MAP3K14: variants seen among roughly 807,000 people sequenced by gnomAD.
MAP3K14 encodes mitogen-activated protein kinase kinase kinase 14.
A neutral mutation model predicts 99.2 loss-of-function variants in MAP3K14; 16 were observed. The ratio of observed to expected loss-of-function variants is 0.16; its 90% confidence interval spans 0.11 to 0.24. The LOEUF (loss-of-function observed/expected upper bound fraction) is 0.24, where lower values mean the gene tolerates loss of function less well. Among genes scored for constraint, MAP3K14 ranks in the 10% least tolerant of loss-of-function variants. MAP3K14 has a pLI of 1.00. For synonymous variants in MAP3K14, 462 were observed against 492.4 expected (o/e 0.94, Z 0.82); for missense variants, 784 against 1,208.7 (o/e 0.65, Z 5.21).
rs1433498618 is a variant in MAP3K14 at position 45,313,255 on chromosome 17, G to A, written c.-21+3705C>T. Among the ~76,000 whole-genome samples the A allele has an allele frequency of 4.6e-5, 7 of 152,024 alleles. No individual in the cohort carries two copies. The East Asian group carries it at 1.3e-3, about 29-fold the overall frequency. On this transcript the variant is annotated intron_variant, in intron 1 of 15. Coordinates refer to ENST00000344686, the MANE Select transcript of MAP3K14 (RefSeq NM_003954.5). ...AGGTTTAGTCACAATGCAGTAATTG[G>A]CAACTACTACTGCTACTATTACTAC...
At chr17:45,269,611 G>A (rs2143779612) in intron 11 of MAP3K14, among the ~76,000 whole-genome samples, 1 of 152,240 alleles carries the variant, frequency 6.6e-6, no homozygotes, top group African/African-American at 2.4e-5. Flanking sequence ...TAAAGGTTAA[G>A]CGGTTCGCCA....
intron 2 of MAP3K14, 35 bp from the exon 3 acceptor site, chr17:45,289,340 A>G: frequency 6.4e-7 from 1 of 1,563,104 alleles, no homozygotes; most frequent in Admixed American, 1.7e-5. Flanking sequence ...CAGAGAGGAG[A>G]AAAAATAGGA....
rs879107508 is a variant in MAP3K14, at chr17:45,266,526, T to C, written c.2578+11A>G. ...ACGGGGACTGCTGAGCAGGTGGGAA[T>C]TGGACTGTACCATTGAAATAGCTTG... On this transcript the variant is annotated intron_variant, in intron 14 of 15. Transcript: ENST00000344686. 1.9e-6 allele frequency: 3 copies of C among 1,603,126 alleles called. No homozygotes were observed. Among genetic ancestry groups the C allele is most frequent in the Middle Eastern group, 1.7e-4 (1 of 6,030 alleles).
intron 1 of MAP3K14, among the ~76,000 whole-genome samples, chr17:45,291,222 C>T (rs993306748): frequency 1.3e-5 from 2 of 152,192 alleles, no homozygotes; most frequent in African/African-American, 4.8e-5. Context: ...TGTTGGCACA[C>T]ACCATCCACA....
intron 6 of MAP3K14, among the ~76,000 whole-genome samples, chr17:45,278,915 C>T (rs1020861770): frequency 2.0e-5 from 3 of 152,072 alleles, no homozygotes; most frequent in East Asian, 3.9e-4. Flanking sequence ...TCTCCCACCT[C>T]GGCCTCCAAC....
chr17:45,313,971 A>G (rs1037484525), intron 1 of MAP3K14, among the ~76,000 whole-genome samples: 1 of 152,178 alleles, frequency 6.6e-6, no homozygotes, highest in African/African-American at 2.4e-5. Context: ...TGGTGTGAAA[A>G]TACAAAGACT....
intron 1 of MAP3K14, among the ~76,000 whole-genome samples, chr17:45,299,350 T>A (rs1281007756): frequency 6.6e-6 from 1 of 151,808 alleles, no homozygotes; most frequent in Non-Finnish European, 1.5e-5. Context: ...CCTGGGAGTT[T>A]GAGATCAGCA....
intron 1 of MAP3K14, among the ~76,000 whole-genome samples, chr17:45,292,845 C>T (rs1417207145): frequency 6.6e-6 from 1 of 152,210 alleles, no homozygotes; most frequent in Non-Finnish European, 1.5e-5. Context: ...CTCCTCATTT[C>T]TATTTGAAGA....
chr17:45,309,115 G>A (rs2044452066), intron 1 of MAP3K14, among the ~76,000 whole-genome samples: 1 of 152,206 alleles, frequency 6.6e-6, no homozygotes, highest in Non-Finnish European at 1.5e-5. Context: ...CTGTGCCCAA[G>A]CAACATTTGA....
chr17:45,275,885 C>T (rs1350226866), intron 6 of MAP3K14, among the ~76,000 whole-genome samples: 1 of 151,738 alleles, frequency 6.6e-6, no homozygotes, highest in Admixed American at 6.6e-5. Context: ...CCTCAGCCTC[C>T]CGAGTAGCTG....
chr17:45,267,345 G>C lies in MAP3K14; in HGVS notation c.2326+61C>G. The stretch of plus-strand genomic sequence containing the variant: ...ACACCGCAGGTAAAGAGAAACACCG[G>C]CCTCCGCGGGTGGCCCAGGGCCAGT... On this transcript the variant is annotated intron_variant, in intron 12 of 15. Transcript: ENST00000344686. The surrounding 1 kb of genome is among the most constrained non-coding windows in gnomAD (Gnocchi z 5.1). The C allele has an allele frequency of 6.6e-7, 1 of 1,504,812 alleles. No individual in the cohort carries two copies. The allele number at this position is 1,504,812 out of a possible 1,614,324, so 93.2% of individuals were successfully genotyped here.
chr17:45,299,481 G>C (rs1173598510), intron 1 of MAP3K14, among the ~76,000 whole-genome samples: 1 of 152,154 alleles, frequency 6.6e-6, no homozygotes, highest in Non-Finnish European at 1.5e-5. Context: ...CAAGTGACAG[G>C]CTTCTGAAAG....
Position 45,299,589 on chromosome 17 carries a change from TG to T in MAP3K14, c.-20-8825del, listed in dbSNP as rs1444099038. On this transcript the variant is annotated intron_variant, in intron 1 of 15. Transcript: ENST00000344686. ...CTGAGGAAGGAGGAAGGGGCCTTAC[TG>T]GGGCCTGCACTCAGGCACTGTGAGT... Among the ~76,000 whole-genome samples, 6 of 152,228 alleles carry T rather than the reference TG, an allele frequency of 3.9e-5. 1 individual carries two copies. The South Asian group carries it at 1.2e-3, about 32-fold the overall frequency.
At chr17:45,309,675 C>T (rs955065355) in intron 1 of MAP3K14, among the ~76,000 whole-genome samples, 1 of 152,220 alleles carries the variant, frequency 6.6e-6, no homozygotes, top group Non-Finnish European at 1.5e-5. Context: ...GGAGTCACAA[C>T]TTGGTGGCTG....
rs539890564 is a variant in MAP3K14, at chr17:45,293,065, C to T, written c.-20-2300G>A. Among the ~76,000 whole-genome samples, 5 of 152,320 alleles carry T rather than the reference C, an allele frequency of 3.3e-5. No homozygotes were observed. The East Asian group carries it at 9.6e-4, about 29-fold the overall frequency. ...GGTGGGGCCCTGCACACAGTGCCTC[C>T]CCAGTGTATAGCACAGGGGCCACAG... On this transcript the variant is annotated intron_variant, in intron 1 of 15. Coordinates refer to ENST00000344686, the MANE Select transcript of MAP3K14 (RefSeq NM_003954.5).
At chr17:45,301,680 A>G (rs1439076344) in intron 1 of MAP3K14, among the ~76,000 whole-genome samples, 1 of 152,230 alleles carries the variant, frequency 6.6e-6, no homozygotes, top group African/African-American at 2.4e-5. Context: ...ATGTGTCGGT[A>G]TATTACAATG....
intron 6 of MAP3K14, among the ~76,000 whole-genome samples, chr17:45,280,180 T>C (rs1420057200): frequency 6.6e-6 from 1 of 152,214 alleles, no homozygotes; most frequent in East Asian, 1.9e-4. Context: ...TTGAGCCAGA[T>C]GTTCTAAAAG....
At position 45,266,654 on chromosome 17, in the gene MAP3K14, G is replaced by T. The variant is rs755535038; in HGVS notation, c.2461C>A (p.Arg821=). 4.3e-6 allele frequency: 7 copies of T among 1,612,512 alleles called. No homozygotes were observed. Among genetic ancestry groups the T allele is most frequent in the South Asian group, 2.2e-5 (2 of 91,032 alleles). ...TGTACGCCTGAGCTCAGGGTGTCCCGCGAGCTTTGAGAGGCCTTTGATGGG... is the reference window on the plus strand; with the variant it reads ...TGTACGCCTGAGCTCAGGGTGTCCCTCGAGCTTTGAGAGGCCTTTGATGGG... The part of the protein sequence containing the change: ...KNPSKASQSS[R]DTLSSGVHSW... Residue 821 remains arginine, a synonymous_variant, in exon 14 of 16, where the codon CGG becomes AGG. Coordinates refer to ENST00000344686, the MANE Select transcript of MAP3K14 (RefSeq NM_003954.5).
intron 9 of MAP3K14, 119 bp downstream of exon 9, chr17:45,273,384 G>A (rs530011228): frequency 8.5e-6 from 6 of 706,292 alleles, no homozygotes; most frequent in African/African-American, 5.3e-5. Context: ...GGCTGGTTGC[G>A]GGGCTTAAAC....
Sources: allele counts gnomAD v4.1 joint callset (sites outside exome capture counted in the v4.1 genomes callset), GRCh38; gene constraint gnomAD v4.1.1; non-coding constraint Gnocchi (gnomAD v3.1); transcripts MANE v1.5; gene names NCBI Gene and HGNC (gene_info 2026-07-23, HGNC 2026-07-21).